Variants in PPP6R2 observed in about 807,000 individuals in gnomAD.
PPP6R2 encodes protein phosphatase 6 regulatory subunit 2.
In PPP6R2, 62 loss-of-function variants were observed where a neutral mutation model predicts 100.2. That is an observed-to-expected ratio of 0.62 (90% CI 0.50 to 0.76). PPP6R2 has a LOEUF of 0.76. Ranked by LOEUF, PPP6R2 falls within the 30% of genes least tolerant of loss-of-function variation. PPP6R2 has a pLI of 0.00. For synonymous variants in PPP6R2, 525 were observed against 514.7 expected (o/e 1.02, Z -0.27); for missense variants, 1,142 against 1,276.3 (o/e 0.89, Z 1.60).
chr22:50,420,455 A>G lies in PPP6R2; in HGVS notation c.845+993A>G, dbSNP rs1415844334. On this transcript the variant is annotated intron_variant, in intron 8 of 23. Coordinates refer to ENST00000612753, the MANE Select transcript of PPP6R2 (RefSeq NM_001242898.2). ...GAGACAGAGGAGTCAGCAGCAGAAG[A>G]GTGAGTTCGGGTGAAAGTTGAGTTT... 2.0e-5 allele frequency among the ~76,000 whole-genome samples: 3 copies of G among 152,316 alleles called. No individual in the cohort carries two copies. The East Asian group carries it at 5.8e-4, about 29-fold the overall frequency.
At chr22:50,390,032 C>T (rs1471419238) in intron 2 of PPP6R2, among the ~76,000 whole-genome samples, 2 of 149,310 alleles carry the variant, frequency 1.3e-5, no homozygotes, top group Admixed American at 1.3e-4. Context: ...CTCACTGTCA[C>T]CTAGGCCAGA....
intron 1 of PPP6R2, among the ~76,000 whole-genome samples, chr22:50,343,873 CCCAGTCAGTGCCCCCT>C (rs1203459075): frequency 5.9e-5 from 1 of 16,916 alleles, no homozygotes; most frequent in Non-Finnish European, 1.0e-4. Flanking sequence ...GTCAGTGCCC[CCCAGTCAGTGCCCCCT>C]CCAGTCAGTT....
At chr22:50,432,895 C>T (rs991486265) in intron 12 of PPP6R2, among the ~76,000 whole-genome samples, 1 of 152,212 alleles carries the variant, frequency 6.6e-6, no homozygotes, top group Non-Finnish European at 1.5e-5. Flanking sequence ...CTGGGCTGTA[C>T]AGCATGGAGG....
At chr22:50,347,142 G>T (rs2043959800) in intron 1 of PPP6R2, among the ~76,000 whole-genome samples, 1 of 151,596 alleles carries the variant, frequency 6.6e-6, no homozygotes, top group African/African-American at 2.4e-5. Flanking sequence ...GTTAGTGCCT[G>T]TCAGATCCTC....
At chr22:50,366,925 C>T (rs536252508) in intron 1 of PPP6R2, among the ~76,000 whole-genome samples, 1 of 152,164 alleles carries the variant, frequency 6.6e-6, no homozygotes, top group Non-Finnish European at 1.5e-5. Context: ...TTTTCAGGGA[C>T]CCTTCACTGC....
At chr22:50,393,608 G>T in intron 2 of PPP6R2, 1 of 960,126 alleles carries the variant, frequency 1.0e-6, no homozygotes. Flanking sequence ...TCCTGGAGCT[G>T]GGGGTGCAGC....
intron 10 of PPP6R2, among the ~76,000 whole-genome samples, chr22:50,427,915 T>A (rs1450252116): frequency 6.6e-6 from 1 of 152,178 alleles, no homozygotes; most frequent in Non-Finnish European, 1.5e-5. Flanking sequence ...AGAGACAGGG[T>A]TTCACCATAT....
chr22:50,439,788 G>A lies in PPP6R2; in HGVS notation c.2216G>A (p.Trp739Ter). Residue 739 changes from tryptophan to a stop codon, truncating the protein, a stop_gained, in exon 20 of 24, where the codon TGG becomes TAG. Transcript: ENST00000612753. LOFTEE classifies it high-confidence loss of function. ...GVVRDVGSSVWAAGTSAPEEK... is the reference protein window; with the variant it reads ...GVVRDVGSSV ...GTGAGGGACGTGGGTTCCAGTGTGT[G>A]GGCAGCTGGCACCTCAGCTCCAGAG... The A allele has an allele frequency of 6.2e-7, 1 of 1,613,900 alleles. No homozygotes were observed. Among genetic ancestry groups the A allele is most frequent in the Non-Finnish European group, 8.5e-7 (1 of 1,179,972 alleles).
At chr22:50,332,091 T>C in the PPP6R2 span, among the ~76,000 whole-genome samples, 1 of 152,050 alleles carries the variant, frequency 6.6e-6, no homozygotes, top group African/African-American at 2.4e-5. Context: ...AATGGCATCT[T>C]TTGAAGATCA....
chr22:50,337,663 GTGGT>G, the PPP6R2 span, among the ~76,000 whole-genome samples: 1 of 107,636 alleles, frequency 9.3e-6, no homozygotes, highest in Non-Finnish European at 1.8e-5. Flanking sequence ...TGTGGTGTGT[GTGGT>G]GTGTGTGTGT....
rs553442478 is a variant in PPP6R2, at chr22:50,393,368, C to T, written c.-16-525C>T. On this transcript the variant is annotated intron_variant, in intron 2 of 23. Coordinates refer to ENST00000612753, the MANE Select transcript of PPP6R2 (RefSeq NM_001242898.2). ...CATCAGCTGTCTTGATTTTGACTTG[C>T]TGAGTTTGCTCACAAATGTGAGACT... 9.1e-6 allele frequency: 9 copies of T among 984,780 alleles called. No homozygotes were observed. In the Admixed American group the frequency reaches 1.8e-4, roughly 20 times the overall value. 61.0% of individuals were successfully genotyped at this position (984,780 alleles called of 1,614,324 possible).
rs1333252090 is a variant in PPP6R2, at chr22:50,444,010, C to A, written c.2724C>A (p.Thr908=). The part of the protein sequence containing the change: ...ALSKAGPAIP[T]PAVSSALAVA... ...GCAAGGCTGGCCCCGCCATACCCAC[C>A]CCAGCAGTCTCTTCTGCACTGGCCG... The change falls in exon 23 of 24, where the codon ACC becomes ACA. Residue 908 remains threonine, a synonymous_variant. Transcript: ENST00000612753. 1.2e-6 allele frequency: 2 copies of A among 1,613,352 alleles called. No individual in the cohort carries two copies. Among genetic ancestry groups the A allele is most frequent in the East Asian group, 4.5e-5 (2 of 44,896 alleles).
chr22:50,349,830 C>A (rs73439338), intron 1 of PPP6R2, among the ~76,000 whole-genome samples: 1,950 of 93,098 alleles, frequency 0.021, 30 homozygotes, highest in African/African-American at 0.11. Context: ...AAAAAAAAAA[C>A]AGAAAAAAGC....
In PPP6R2 at chr22:50,443,803, C is replaced by T. The variant is rs2066430660; in HGVS notation, c.2580-63C>T. 12 of 1,504,664 alleles carry T rather than the reference C, an allele frequency of 8.0e-6. No individual in the cohort carries two copies. The South Asian group carries it at 1.5e-4, about 19-fold the overall frequency. 93.2% of individuals were successfully genotyped at this position (1,504,664 alleles called of 1,614,324 possible). A position where few individuals can be genotyped will look rare whatever the true frequency, so the allele number is the denominator to read the frequency against. On this transcript the variant is annotated intron_variant, in intron 22 of 23. Coordinates refer to ENST00000612753, the MANE Select transcript of PPP6R2 (RefSeq NM_001242898.2). ...CCTTTTTGTCCAGCTGGTCCTTGGGCATGAGGCGGGGTGGCACTGAGGGTG... is the reference window on the plus strand; with the variant it reads ...CCTTTTTGTCCAGCTGGTCCTTGGGTATGAGGCGGGGTGGCACTGAGGGTG...
At chr22:50,373,611 G>C (rs1370061360) in intron 2 of PPP6R2, among the ~76,000 whole-genome samples, 1 of 151,996 alleles carries the variant, frequency 6.6e-6, no homozygotes, top group African/African-American at 2.4e-5. Context: ...GAGTGCAGTG[G>C]TGTGATCATA....
At chr22:50,442,092 G>A (rs1194500258) in intron 22 of PPP6R2, among the ~76,000 whole-genome samples, 3 of 152,194 alleles carry the variant, frequency 2.0e-5, no homozygotes, top group African/African-American at 7.2e-5. Flanking sequence ...CCATGGTTGT[G>A]AAGGGCCTGC....
At chr22:50,428,512 A>T (rs1458801691) in intron 10 of PPP6R2, among the ~76,000 whole-genome samples, 4 of 152,136 alleles carry the variant, frequency 2.6e-5, no homozygotes, top group Non-Finnish European at 1.5e-5. Context: ...AGAGTTTAAG[A>T]CCAGCCTGGG....
At position 50,443,885 on chromosome 22, in the gene PPP6R2, C is replaced by T. The variant is rs200415574; in HGVS notation, c.2599C>T (p.Arg867Trp). Residue 867 changes from arginine to tryptophan, a missense_variant, in exon 23 of 24, where the codon CGG becomes TGG. Coordinates refer to ENST00000612753, the MANE Select transcript of PPP6R2 (RefSeq NM_001242898.2). ...AVGRVGCADSRLLSPACPAPK... is the reference protein window; with the variant it reads ...AVGRVGCADSWLLSPACPAPK... ...ACACAGGGTCGGGTGTGCTGACAGCCGGCTGTTAAGCCCTGCCTGCCCCGC... is the reference window on the plus strand; with the variant it reads ...ACACAGGGTCGGGTGTGCTGACAGCTGGCTGTTAAGCCCTGCCTGCCCCGC... 31 of 1,583,644 alleles carry T rather than the reference C, an allele frequency of 2.0e-5. No individual in the cohort carries two copies. The East Asian group carries it at 3.5e-4, about 18-fold the overall frequency.
chr22:50,438,755 C>G lies in PPP6R2; in HGVS notation c.2121C>G (p.Asp707Glu). The change falls in exon 19 of 24, where the codon GAC (aspartate) becomes GAG (glutamate). Residue 707 changes from aspartate to glutamate, a missense_variant. Physicochemically the swap from Asp to Glu is conservative, Grantham distance 45 (BLOSUM62 2). Around this residue, in one of 2 missense-constraint regions of PPP6R2, gnomAD observed 550 missense variants for 517.4 expected, o/e 1.06. Transcript: ENST00000612753. ...GKKEAPPVEG[D>E]SEGAMWTAVF... The stretch of plus-strand genomic sequence containing the variant: ...AGGAAGCGCCCCCTGTGGAGGGTGA[C>G]TCAGAAGGTGGTGCTGGGCGCCAGG... 6.3e-7 allele frequency: 1 copy of G among 1,596,088 alleles called. No individual in the cohort carries two copies. The highest frequency in any genetic ancestry group is 8.5e-7 in the Non-Finnish European group (1 of 1,171,596).
Sources: allele counts gnomAD v4.1 joint callset (sites outside exome capture counted in the v4.1 genomes callset), GRCh38; gene constraint gnomAD v4.1.1; regional missense constraint gnomAD v4.1.1; transcripts MANE v1.5; gene names NCBI Gene and HGNC (gene_info 2026-07-23, HGNC 2026-07-21).